Variants in ANKRD13B observed in about 807,000 individuals in gnomAD.
ANKRD13B encodes the protein ankyrin repeat domain-containing protein 13B.
ANKRD13B carries 33 observed loss-of-function variants against 74.4 expected under a neutral mutation model. The ratio of observed to expected loss-of-function variants is 0.44; its 90% CI spans 0.34 to 0.59. The LOEUF is 0.59. ANKRD13B is among the 20% of genes least tolerant of loss of function. ANKRD13B has a pLI of 0.02. For missense variants in ANKRD13B, 676 were observed against 877.9 expected, an observed-to-expected ratio of 0.77 and a Z score of 2.91; for synonymous variants, 341 against 362.9, an observed-to-expected ratio of 0.94 and a Z score of 0.68.
At position 29,610,603 on chromosome 17, in the gene ANKRD13B, G is replaced by A. The variant is rs577133990; in HGVS notation, c.823-82G>A. 628 of 1,289,294 alleles carry A rather than the reference G, an allele frequency of 4.9e-4. 1 individual carries two copies. Among genetic ancestry groups the A allele is most frequent in the Non-Finnish European group, 6.3e-4 (576 of 918,224 alleles). 79.9% of individuals were successfully genotyped at this position (1,289,294 alleles called of 1,614,324 possible). On this transcript the variant is annotated intron_variant, in intron 7 of 14. Transcript: ENST00000394859. ...AGTCTCTCCAGGACCCTTTGCTACA[G>A]GGAGTGTTCCCAGTGCCCTTAGGGG...
intron 1 of ANKRD13B, among the ~76,000 whole-genome samples, chr17:29,596,637 C>A (rs2033965610): frequency 6.6e-6 from 1 of 152,196 alleles, no homozygotes; most frequent in Non-Finnish European, 1.5e-5. Flanking sequence ...GAATCATTTT[C>A]CTTCTCCCTG....
chr17:29,610,876 G>A, intron 8 of ANKRD13B, 110 bp downstream of exon 8: 1 of 1,075,532 alleles, frequency 9.3e-7, no homozygotes, highest in Non-Finnish European at 1.4e-6. Flanking sequence ...GAGGCTGGAT[G>A]CTTTATTCAG....
intron 1 of ANKRD13B, 53 bp from the exon 2 acceptor site, chr17:29,607,689 G>GCA: frequency 6.4e-7 from 1 of 1,557,242 alleles, no homozygotes; most frequent in East Asian, 2.3e-5. Context: ...GGCTCCGGAG[G>GCA]GCTGCCTCCG....
chr17:29,593,388 G>T lies in ANKRD13B; in HGVS notation c.-234G>T. On this transcript the variant is annotated 5_prime_UTR_variant, in exon 1 of 15. Transcript: ENST00000394859. The stretch of plus-strand genomic sequence containing the variant: ...CCGAGTGCCCGCTCCCTCCCAGGGC[G>T]GGTGGGGGCCTCTCCGCGCCGCCCG... 1 of 147,044 alleles carries T rather than the reference G, an allele frequency of 6.8e-6. No individual in the cohort carries two copies. Among genetic ancestry groups the T allele is most frequent in the South Asian group, 1.9e-4 (1 of 5,392 alleles). 9.1% of individuals were successfully genotyped at this position (147,044 alleles called of 1,614,324 possible).
At chr17:29,610,924 T>C (rs2034559647) in intron 8 of ANKRD13B, among the ~76,000 whole-genome samples, 158 bp downstream of exon 8, 1 of 152,168 alleles carries the variant, frequency 6.6e-6, no homozygotes, top group African/African-American at 2.4e-5. Context: ...GCCCTAAGGA[T>C]GGGTAGTGGC....
At chr17:29,603,059 CA>C (rs2034239419) in intron 1 of ANKRD13B, among the ~76,000 whole-genome samples, 1 of 152,136 alleles carries the variant, frequency 6.6e-6, no homozygotes, top group African/African-American at 2.4e-5. Context: ...CCATATTGGC[CA>C]GGCTGGTCTC....
chr17:29,610,302 T>G (rs182387453), intron 7 of ANKRD13B, among the ~76,000 whole-genome samples: 1 of 152,194 alleles, frequency 6.6e-6, no homozygotes, highest in Admixed American at 6.5e-5. Context: ...GCATCTCCTC[T>G]GAAAGCCTCC....
intron 1 of ANKRD13B, among the ~76,000 whole-genome samples, chr17:29,596,706 G>C (rs1234892903): frequency 6.6e-6 from 1 of 152,250 alleles, no homozygotes; most frequent in Non-Finnish European, 1.5e-5. Flanking sequence ...CTGACCTAGA[G>C]GCAGGGGAGA....
At chr17:29,605,525 A>G (rs2150889926) in intron 1 of ANKRD13B, among the ~76,000 whole-genome samples, 1 of 152,018 alleles carries the variant, frequency 6.6e-6, no homozygotes, top group Non-Finnish European at 1.5e-5. Context: ...TGGAGTGCAG[A>G]GGTGTGATGA....
intron 1 of ANKRD13B, among the ~76,000 whole-genome samples, chr17:29,602,764 A>G (rs1485814535): frequency 6.6e-6 from 1 of 152,206 alleles, no homozygotes; most frequent in Non-Finnish European, 1.5e-5. Context: ...TGATGTGGAC[A>G]TGTCTTAGGA....
chr17:29,604,025 G>A (rs143163561), intron 1 of ANKRD13B, among the ~76,000 whole-genome samples: 64 of 151,692 alleles, frequency 4.2e-4, no homozygotes, highest in African/African-American at 1.2e-3. Context: ...ACAGGCTCAC[G>A]TGAGCCACCG....
intron 1 of ANKRD13B, among the ~76,000 whole-genome samples, chr17:29,599,044 A>G (rs994882344): frequency 6.6e-5 from 10 of 152,182 alleles, no homozygotes; most frequent in African/African-American, 2.4e-4. Context: ...GGTGCTCAAC[A>G]GGCACTTGGA....
Position 29,612,310 on chromosome 17 carries a change from G to T in ANKRD13B, c.1258+37G>T, listed in dbSNP as rs759217031. ...CGGCCATTTCTCCTGAGCCCGTGGC[G>T]GGCCGACCGGGGTTTAGATGAGGTC... On this transcript the variant is annotated intron_variant, in intron 11 of 14. Coordinates refer to ENST00000394859, the MANE Select transcript of ANKRD13B (RefSeq NM_152345.5). This position sits in a 1 kb window ranked among gnomAD's most constrained non-coding sequence, Gnocchi z 6.1. The T allele has an allele frequency of 6.2e-6, 10 of 1,612,366 alleles. No homozygotes were observed. Among genetic ancestry groups the T allele is most frequent in the Non-Finnish European group, 3.4e-6 (4 of 1,178,860 alleles).
intron 1 of ANKRD13B, among the ~76,000 whole-genome samples, chr17:29,605,921 T>C (rs983927390): frequency 6.6e-6 from 1 of 150,584 alleles, no homozygotes; most frequent in Non-Finnish European, 1.5e-5. Flanking sequence ...CACTGTTCCT[T>C]TTTTTTTTGA....
intron 1 of ANKRD13B, among the ~76,000 whole-genome samples, chr17:29,596,880 G>A (rs2033973448): frequency 6.6e-6 from 1 of 152,200 alleles, no homozygotes; most frequent in Non-Finnish European, 1.5e-5. Flanking sequence ...CTGGGATGAG[G>A]GGGAGGGGCT....
Position 29,611,856 on chromosome 17 carries a change from C to G in ANKRD13B, c.970-20C>G, listed in dbSNP as rs755694171. The stretch of plus-strand genomic sequence containing the variant: ...TTAGGAACTGAGGGGAGCTCCTGGG[C>G]CCCTCCCCATGTGGTACAGACCCTG... On this transcript the variant is annotated intron_variant, in intron 9 of 14. Transcript: ENST00000394859. The surrounding 1 kb of genome is among the most constrained non-coding windows in gnomAD (Gnocchi z 4.3). The G allele has an allele frequency of 6.4e-7, 1 of 1,571,562 alleles. No individual in the cohort carries two copies. The highest frequency in any genetic ancestry group is 8.6e-7 in the Non-Finnish European group (1 of 1,157,022).
rs2034472223 is a variant in ANKRD13B, at chr17:29,608,615, T to C, written c.422-236T>C. The C allele has an allele frequency of 5.1e-6, 3 of 593,110 alleles. No homozygotes were observed. Among genetic ancestry groups the C allele is most frequent in the Non-Finnish European group, 8.8e-6 (3 of 340,008 alleles). The allele number at this position is 593,110 out of a possible 1,614,324, so 36.7% of individuals were successfully genotyped here. ...AAGAGTGAGTGAGTGAATTAACAAA[T>C]GATGGACACTAGGGACTTAGTGGTG... On this transcript the variant is annotated intron_variant, in intron 4 of 14. Coordinates refer to ENST00000394859, the MANE Select transcript of ANKRD13B (RefSeq NM_152345.5). This position sits in a 1 kb window ranked among gnomAD's most constrained non-coding sequence, Gnocchi z 6.4.
chr17:29,608,562 CATAA>C lies in ANKRD13B; in HGVS notation c.422-285_422-282del. 5.2e-6 allele frequency: 3 copies of C among 572,578 alleles called. No individual in the cohort carries two copies. The South Asian group carries it at 6.9e-5, about 13-fold the overall frequency. The allele number at this position is 572,578 out of a possible 1,614,324, so 35.5% of individuals were successfully genotyped here. A position where few individuals can be genotyped will look rare whatever the true frequency, so the allele number is the denominator to read the frequency against. ...TGGCTGGAACACTCAGTAGGTGTTT[CATAA>C]ATATTTGTTGAAAGAATGGATGAAA... On this transcript the variant is annotated intron_variant, in intron 4 of 14. Transcript: ENST00000394859. The surrounding 1 kb of genome is among the most constrained non-coding windows in gnomAD (Gnocchi z 6.4).
At chr17:29,607,580 C>A (rs915534153) in intron 1 of ANKRD13B, among the ~76,000 whole-genome samples, 162 bp from the exon 2 acceptor site, 1 of 152,216 alleles carries the variant, frequency 6.6e-6, no homozygotes, top group Non-Finnish European at 1.5e-5. Context: ...TCTGTCTTTC[C>A]GTTGCCCATA....
Sources: gnomAD v4.1 joint callset for allele counts (sites outside exome capture counted in the v4.1 genomes callset) on GRCh38, gnomAD v4.1.1 for gene constraint, Gnocchi (gnomAD v3.1) non-coding constraint, MANE v1.5 for transcripts, NCBI Gene and HGNC (gene_info 2026-07-23, HGNC 2026-07-21) for gene names.